Variants in SLC17A8 observed in about 807,000 individuals in gnomAD.
SLC17A8 encodes solute carrier family 17 member 8.
A neutral mutation model predicts 58.0 loss-of-function variants in SLC17A8; 31 were observed. That is an observed-to-expected ratio of 0.53 (90% CI 0.40 to 0.72). The LOEUF is 0.72. SLC17A8 is among the 30% of genes least tolerant of loss of function. The probability of loss-of-function intolerance (pLI) is 0.00; values close to 1 mark genes in which losing one functional copy is unlikely to be tolerated. For synonymous variants in SLC17A8, 228 were observed against 249.0 expected, an observed-to-expected ratio of 0.92 and a Z score of 0.79; for missense variants, 655 against 727.8, an observed-to-expected ratio of 0.90 and a Z score of 1.15.
intron 9 of SLC17A8, among the ~76,000 whole-genome samples, chr12:100,406,975 A>AG (rs1283817896): frequency 2.0e-5 from 3 of 152,124 alleles, no homozygotes; most frequent in Non-Finnish European, 4.4e-5. Context: ...AGATGGAGAG[A>AG]GGGGGGTCAA....
chr12:100,414,417 T>C (rs2136015939), intron 10 of SLC17A8, among the ~76,000 whole-genome samples: 2 of 152,354 alleles, frequency 1.3e-5, no homozygotes, highest in Middle Eastern at 3.4e-3. Context: ...TGCATAGACC[T>C]GGGTTTGAGG....
intron 9 of SLC17A8, 58 bp downstream of exon 9, chr12:100,404,228 C>T: frequency 6.2e-7 from 1 of 1,602,540 alleles, no homozygotes; most frequent in Non-Finnish European, 8.5e-7. Context: ...GTAAACTGAA[C>T]TGCAGAGCAT....
In SLC17A8 at chr12:100,396,348, T is replaced by C. The variant is rs1952753806; in HGVS notation, c.607T>C (p.Cys203Arg). The C allele has an allele frequency of 6.2e-7, 1 of 1,614,012 alleles. No homozygotes were observed. Among genetic ancestry groups the C allele is most frequent in the Admixed American group, 1.7e-5 (1 of 60,004 alleles). The stretch of plus-strand genomic sequence containing the variant: ...CTGCCAGGGTGTGACCTACCCAGCC[T>C]GCCATGGGATGTGGAGTAAGTGGGC... ...GLVEGVTYPA[C>R]HGMWSKWAPP... is the part of the protein sequence containing the mutation. The change falls in exon 5 of 12, where the codon TGC (cysteine) becomes CGC (arginine). Residue 203 changes from cysteine (C) to arginine (R), a missense_variant. Transcript: ENST00000323346.
At chr12:100,390,233 G>A (rs571492869) in intron 2 of SLC17A8, among the ~76,000 whole-genome samples, 1 of 152,032 alleles carries the variant, frequency 6.6e-6, no homozygotes, top group Non-Finnish European at 1.5e-5. Flanking sequence ...CCAAAGCATT[G>A]GGATTACAGG....
chr12:100,396,528 C>A, intron 5 of SLC17A8, 111 bp downstream of exon 5: 1 of 785,886 alleles, frequency 1.3e-6, no homozygotes, highest in South Asian at 1.4e-5. Context: ...GCAGGAGGAT[C>A]CCTGGAGCCC....
At chr12:100,418,482 T>G (rs974845074) in intron 11 of SLC17A8, among the ~76,000 whole-genome samples, 1 of 152,240 alleles carries the variant, frequency 6.6e-6, no homozygotes, top group Non-Finnish European at 1.5e-5. Context: ...TACTGAAGAT[T>G]GTTTTCTCAT....
In SLC17A8 at chr12:100,420,252, A is replaced by G; in HGVS notation, c.*93A>G. The stretch of plus-strand genomic sequence containing the variant: ...TTGTAGCCCAGCTTGCCAGAGGTCC[A>G]AATATTGGGAGGGGAGAAGATCTAA... On this transcript the variant is annotated 3_prime_UTR_variant, in exon 12 of 12. Transcript: ENST00000323346. 1.0e-6 allele frequency: 1 copy of G among 972,398 alleles called. No homozygotes were observed. The highest frequency in any genetic ancestry group is 1.6e-6 in the Non-Finnish European group (1 of 631,870). The allele number at this position is 972,398 out of a possible 1,614,324, so 60.2% of individuals were successfully genotyped here. A position where few individuals can be genotyped will look rare whatever the true frequency, so the allele number is the denominator to read the frequency against.
intron 10 of SLC17A8, 111 bp from the exon 11 acceptor site, chr12:100,417,918 T>C: frequency 7.3e-7 from 1 of 1,361,922 alleles, no homozygotes; most frequent in Non-Finnish European, 1.0e-6. Context: ...ACTAGTCATA[T>C]ACTAGAGGAA....
At chr12:100,393,511 G>C (rs1952731649) in intron 4 of SLC17A8, 28 bp downstream of exon 4, 1 of 1,512,008 alleles carries the variant, frequency 6.6e-7, no homozygotes, top group Non-Finnish European at 9.2e-7. Context: ...TACAGTTTTT[G>C]ATATTGCTAG....
chr12:100,366,110 A>G (rs979368017), intron 1 of SLC17A8, among the ~76,000 whole-genome samples: 5 of 140,546 alleles, frequency 3.6e-5, no homozygotes, highest in African/African-American at 1.4e-4. Flanking sequence ...TTGGGATCCA[A>G]TGGGGGCTAC....
intron 6 of SLC17A8, among the ~76,000 whole-genome samples, 188 bp from the exon 7 acceptor site, chr12:100,402,152 T>G (rs531623409): frequency 1.3e-5 from 2 of 152,348 alleles, no homozygotes; most frequent in South Asian, 4.1e-4. Flanking sequence ...AAGATCCTTT[T>G]GTAGTTCATA....
chr12:100,416,572 C>T (rs1952908113), intron 10 of SLC17A8, among the ~76,000 whole-genome samples: 1 of 151,140 alleles, frequency 6.6e-6, no homozygotes, highest in Admixed American at 6.6e-5. Context: ...AAATAAAAAG[C>T]AAAGCAAAGG....
chr12:100,400,503 G>C (rs74783468), intron 5 of SLC17A8, among the ~76,000 whole-genome samples: 1 of 151,844 alleles, frequency 6.6e-6, no homozygotes, highest in Non-Finnish European at 1.5e-5. Flanking sequence ...TGACTTCCTC[G>C]GGTGTCATGA....
intron 1 of SLC17A8, among the ~76,000 whole-genome samples, chr12:100,368,993 C>A (rs1205376914): frequency 1.3e-5 from 2 of 152,186 alleles, no homozygotes; most frequent in African/African-American, 4.8e-5. Flanking sequence ...AAGAATTGGG[C>A]TGGGGGCAAT....
At chr12:100,380,665 G>A in intron 1 of SLC17A8, 36 bp from the exon 2 acceptor site, 1 of 1,612,170 alleles carries the variant, frequency 6.2e-7, no homozygotes. Context: ...CTTTAATCCT[G>A]GCTTTTATTT....
At chr12:100,383,545 G>T (rs1158493105) in intron 2 of SLC17A8, among the ~76,000 whole-genome samples, 4 of 152,062 alleles carry the variant, frequency 2.6e-5, no homozygotes, top group Non-Finnish European at 5.9e-5. Context: ...TGTTTGTTTG[G>T]TTTTTCTGTT....
rs748409949 is a variant in SLC17A8 at position 100,402,435 on chromosome 12, A to G, written c.859A>G (p.Ile287Val). 1 of 1,614,156 alleles carries G rather than the reference A, an allele frequency of 6.2e-7. No homozygotes were observed. The highest frequency in any genetic ancestry group is 8.5e-7 in the Non-Finnish European group (1 of 1,180,002). Residue 287 changes from isoleucine to valine, a missense_variant, in exon 7 of 12, where the codon ATA (isoleucine) becomes GTA (valine). By Grantham distance (29) the Ile-to-Val change is conservative. Transcript: ENST00000323346. ...PTISNEEKTY[I>V]ETSIGEGANV... ...AATATCCAATGAGGAGAAGACCTATATAGAGACAAGCATAGGAGAGGGGGC... is the reference window on the plus strand; with the variant it reads ...AATATCCAATGAGGAGAAGACCTATGTAGAGACAAGCATAGGAGAGGGGGC...
intron 8 of SLC17A8, among the ~76,000 whole-genome samples, chr12:100,403,641 C>T (rs1042323897): frequency 1.3e-5 from 2 of 152,036 alleles, no homozygotes; most frequent in African/African-American, 2.4e-5. Context: ...GAACAGCAGC[C>T]GAGCAAACAC....
rs1157907608 is a variant in SLC17A8, at chr12:100,421,669, T to G, written c.*1510T>G. Reference sequence around the variant, plus strand: ...TATTATTGTAAAGTGTTTTTTTTTTTTTTTTTTTTTTCTAATTTCTCCCAC... The same window carrying G: ...TATTATTGTAAAGTGTTTTTTTTTTGTTTTTTTTTTTCTAATTTCTCCCAC... On this transcript the variant is annotated 3_prime_UTR_variant, in exon 12 of 12. Transcript: ENST00000323346. 2 of 149,774 alleles carry G rather than the reference T, an allele frequency of 1.3e-5. No individual in the cohort carries two copies. The highest frequency in any genetic ancestry group is 3.9e-4 in the East Asian group (2 of 5,108). 9.3% of individuals were successfully genotyped at this position (149,774 alleles called of 1,614,324 possible). A position where few individuals can be genotyped will look rare whatever the true frequency, so the allele number is the denominator to read the frequency against.
Sources: gnomAD v4.1 joint callset for allele counts (sites outside exome capture counted in the v4.1 genomes callset) on GRCh38, gnomAD v4.1.1 for gene constraint, MANE v1.5 for transcripts, NCBI Gene and HGNC (gene_info 2026-07-23, HGNC 2026-07-21) for gene names.